Variants in UBXN2B observed in about 807,000 individuals in gnomAD.
The protein encoded by UBXN2B is UBX domain protein 2B.
Under a neutral mutation model 37.5 loss-of-function variants are expected in UBXN2B, and 19 were observed. The observed-to-expected ratio is 0.51, with a 90% CI of 0.35 to 0.74. The LOEUF is 0.74. UBXN2B is among the 30% of genes least tolerant of loss of function. The pLI, the probability that UBXN2B is intolerant of heterozygous loss-of-function variation, is 0.01. For synonymous variants in UBXN2B, 145 were observed against 143.8 expected (o/e 1.01, Z -0.06); for missense variants, 370 against 393.2 (o/e 0.94, Z 0.50).
intron 6 of UBXN2B, among the ~76,000 whole-genome samples, chr8:58,441,844 A>C (rs1052066604): frequency 6.6e-6 from 1 of 152,220 alleles, no homozygotes; most frequent in Non-Finnish European, 1.5e-5. Context: ...GATTTTGATT[A>C]TGGAAAACAG....
chr8:58,416,046 T>C (rs1807773328), intron 1 of UBXN2B, among the ~76,000 whole-genome samples: 1 of 151,554 alleles, frequency 6.6e-6, no homozygotes, highest in Admixed American at 6.6e-5. Context: ...TGTTTGTTTT[T>C]TGGGTTTTTT....
intron 7 of UBXN2B, among the ~76,000 whole-genome samples, chr8:58,446,778 C>CTTTTTTTTTTTTTT (rs1585622637): frequency 6.7e-5 from 1 of 14,972 alleles, no homozygotes; most frequent in Admixed American, 4.6e-4. Context: ...GTACAACCTG[C>CTTTTTTTTTTTTTT]ATTTTTTTTT....
intron 4 of UBXN2B, among the ~76,000 whole-genome samples, chr8:58,434,117 T>C (rs1808352295): frequency 6.6e-6 from 1 of 152,146 alleles, no homozygotes; most frequent in Non-Finnish European, 1.5e-5. Flanking sequence ...CCAATAATTG[T>C]ACTTCGAGGC....
At chr8:58,422,319 T>C (rs1368846071) in intron 2 of UBXN2B, among the ~76,000 whole-genome samples, 4 of 152,226 alleles carry the variant, frequency 2.6e-5, no homozygotes, top group Non-Finnish European at 5.9e-5. Flanking sequence ...CTTAAGAGAC[T>C]GAGAGACCTC....
At chr8:58,421,926 T>A (rs1807935972) in intron 2 of UBXN2B, among the ~76,000 whole-genome samples, 1 of 152,190 alleles carries the variant, frequency 6.6e-6, no homozygotes, top group Non-Finnish European at 1.5e-5. Flanking sequence ...CCATTCTGAG[T>A]ATAAAAGCAA....
chr8:58,435,005 A>G (rs964827229), intron 5 of UBXN2B: 1 of 1,519,864 alleles, frequency 6.6e-7, no homozygotes, highest in Non-Finnish European at 8.8e-7. Flanking sequence ...GCTCTCACCC[A>G]TCCAAAGAAC....
At chr8:58,424,931 C>T (rs766242851) in intron 2 of UBXN2B, 30 of 434,608 alleles carry the variant, frequency 6.9e-5, no homozygotes, top group Non-Finnish European at 1.1e-4. Context: ...ACACCTTTCT[C>T]TCTGTTGATG....
intron 5 of UBXN2B, chr8:58,434,719 A>T (rs1289516405): frequency 7.4e-7 from 1 of 1,359,610 alleles, no homozygotes; most frequent in East Asian, 2.5e-5. Context: ...GGCCAGGGGC[A>T]TTGGACATTG....
At chr8:58,440,298 G>A (rs1808510422) in intron 6 of UBXN2B, among the ~76,000 whole-genome samples, 1 of 152,202 alleles carries the variant, frequency 6.6e-6, no homozygotes, top group African/African-American at 2.4e-5. Flanking sequence ...AAGCATGCAT[G>A]TCTGCCATCA....
chr8:58,447,240 T>A, intron 7 of UBXN2B, 149 bp from the exon 8 acceptor site: 1 of 655,688 alleles, frequency 1.5e-6, no homozygotes. Context: ...CTAAGATAAA[T>A]CCTTCAATTG....
At chr8:58,441,401 A>G (rs1404203525) in intron 6 of UBXN2B, among the ~76,000 whole-genome samples, 2 of 148,184 alleles carry the variant, frequency 1.3e-5, no homozygotes, top group African/African-American at 2.5e-5. Context: ...ATGTGTATAT[A>G]TAGTATGTAT....
rs534113490 is a variant in UBXN2B at position 58,411,614 on chromosome 8, C to G, written c.84+145C>G. The G allele has an allele frequency of 2.3e-5, 14 of 615,966 alleles. No homozygotes were observed. In the South Asian group the frequency reaches 7.5e-4, roughly 33 times the overall value. 38.2% of individuals were successfully genotyped at this position (615,966 alleles called of 1,614,324 possible). A position where few individuals can be genotyped will look rare whatever the true frequency, so the allele number is the denominator to read the frequency against. ...GGATAGAATCCGGCGCCCGGTCTCCCGATGTCGGGTCTTGACACTGTGGTG... is the reference window on the plus strand; with the variant it reads ...GGATAGAATCCGGCGCCCGGTCTCCGGATGTCGGGTCTTGACACTGTGGTG... On this transcript the variant is annotated intron_variant, in intron 1 of 7. Transcript: ENST00000399598.
At chr8:58,429,787 C>T (rs1808198808) in intron 2 of UBXN2B, among the ~76,000 whole-genome samples, 1 of 152,068 alleles carries the variant, frequency 6.6e-6, no homozygotes, top group Non-Finnish European at 1.5e-5. Context: ...GTTTGATTGT[C>T]ATCTTACCCT....
intron 2 of UBXN2B, chr8:58,425,223 C>G: frequency 1.9e-6 from 2 of 1,062,424 alleles, no homozygotes; most frequent in Non-Finnish European, 2.9e-6. Context: ...TCCTAACACG[C>G]ATGATGCCAT....
At chr8:58,417,520 C>G (rs1563456265) in intron 2 of UBXN2B, among the ~76,000 whole-genome samples, 1 of 151,900 alleles carries the variant, frequency 6.6e-6, no homozygotes, top group Non-Finnish European at 1.5e-5. Flanking sequence ...TATTAAAATC[C>G]CTGAAGTATA....
intron 3 of UBXN2B, 106 bp downstream of exon 3, chr8:58,430,775 T>A: frequency 1.1e-6 from 1 of 888,104 alleles, no homozygotes; most frequent in Non-Finnish European, 1.5e-6. Flanking sequence ...ATTTCTGTTT[T>A]AAATATTTGT....
intron 5 of UBXN2B, chr8:58,434,902 T>C (rs760623995): frequency 6.5e-7 from 1 of 1,535,652 alleles, no homozygotes; most frequent in Admixed American, 2.0e-5. Flanking sequence ...CAACTTATGT[T>C]AGAAATCTTT....
chr8:58,416,732 T>A (rs1322609213), intron 1 of UBXN2B, 118 bp from the exon 2 acceptor site: 1 of 775,374 alleles, frequency 1.3e-6, no homozygotes, highest in Non-Finnish European at 1.9e-6. Context: ...AGCAGCAGCT[T>A]TTTTCATGAA....
At chr8:58,425,137 T>G (rs1808046515) in intron 2 of UBXN2B, 1 of 828,870 alleles carries the variant, frequency 1.2e-6, no homozygotes, top group Non-Finnish European at 2.1e-6. Context: ...GACCATTCTC[T>G]CCATATTCCC....
Sources: gnomAD v4.1 joint callset for allele counts (sites outside exome capture counted in the v4.1 genomes callset) on GRCh38, gnomAD v4.1.1 for gene constraint, MANE v1.5 for transcripts, NCBI Gene and HGNC (gene_info 2026-07-23, HGNC 2026-07-21) for gene names.